CD80: variants seen among roughly 807,000 people sequenced by gnomAD.
The protein encoded by CD80 is T-lymphocyte activation antigen CD80.
In CD80, 13 loss-of-function variants were observed where a neutral mutation model predicts 27.1. The ratio of observed to expected loss-of-function variants is 0.48; its 90% CI spans 0.31 to 0.76. CD80 has a LOEUF of 0.76. CD80 is among the 30% of genes least tolerant of loss of function. CD80 has a pLI of 0.04. For synonymous variants in CD80, 125 were observed against 125.5 expected (o/e 1.00, Z 0.03); for missense variants, 277 against 347.9 (o/e 0.80, Z 1.62).
At chr3:119,544,396 G>T in intron 3 of CD80, 154 bp downstream of exon 3, 1 of 631,102 alleles carries the variant, frequency 1.6e-6, no homozygotes, top group Non-Finnish European at 2.8e-6. Context: ...TTAGAAACCA[G>T]TTAGAGTTTA....
chr3:119,542,663 C>A (rs1301077011), intron 3 of CD80, among the ~76,000 whole-genome samples: 1 of 152,174 alleles, frequency 6.6e-6, no homozygotes, highest in Non-Finnish European at 1.5e-5. Context: ...TTGCTTCTAA[C>A]CTCCAAGCTA....
intron 2 of CD80, among the ~76,000 whole-genome samples, chr3:119,552,513 CAAAAAAAAAAA>C (rs11369803): frequency 3.2e-5 from 1 of 31,288 alleles, no homozygotes; most frequent in Non-Finnish European, 6.2e-5. Context: ...GACTCTGTCT[CAAAAAAAAAAA>C]AAAAAAAAAA....
chr3:119,529,483 T>C (rs1298029390), intron 5 of CD80, among the ~76,000 whole-genome samples: 2 of 152,106 alleles, frequency 1.3e-5, no homozygotes, highest in African/African-American at 2.4e-5. Context: ...AAAAAAAAAT[T>C]AGAATATCAT....
chr3:119,547,384 T>A (rs1403121560), intron 2 of CD80, among the ~76,000 whole-genome samples: 1 of 152,276 alleles, frequency 6.6e-6, no homozygotes, highest in Non-Finnish European at 1.5e-5. Context: ...GCTTTTGATT[T>A]CGTCTTTGGA....
At chr3:119,550,682 C>G (rs1258257821) in intron 2 of CD80, among the ~76,000 whole-genome samples, 1 of 152,164 alleles carries the variant, frequency 6.6e-6, no homozygotes, top group Non-Finnish European at 1.5e-5. Context: ...CTGTCTCAAA[C>G]CTGGTTGAAC....
At chr3:119,530,083 A>T (rs1290564409) in intron 4 of CD80, 146 bp from the exon 5 acceptor site, 1 of 588,616 alleles carries the variant, frequency 1.7e-6, no homozygotes, top group East Asian at 3.0e-5. Context: ...TTCTTGCATA[A>T]TTCTTCAATC....
At chr3:119,539,617 T>A (rs11925388) in intron 3 of CD80, among the ~76,000 whole-genome samples, 13,318 of 152,174 alleles carry the variant, frequency 0.088, 761 homozygotes, top group Non-Finnish European at 0.12. Context: ...CCCATAAGAT[T>A]CTGAAGTACA....
At chr3:119,552,152 G>A (rs1394205788) in intron 2 of CD80, among the ~76,000 whole-genome samples, 1 of 152,170 alleles carries the variant, frequency 6.6e-6, no homozygotes, top group Non-Finnish European at 1.5e-5. Flanking sequence ...AGGAGAGGAA[G>A]CTATTTGCCA....
intron 6 of CD80, among the ~76,000 whole-genome samples, chr3:119,526,468 A>C (rs563045068): frequency 6.6e-6 from 1 of 152,336 alleles, no homozygotes; most frequent in Non-Finnish European, 1.5e-5. Context: ...ATTCAGTGGA[A>C]ATGAAAAAAC....
chr3:119,526,617 CTT>C (rs2082067590), intron 6 of CD80, among the ~76,000 whole-genome samples: 1 of 152,168 alleles, frequency 6.6e-6, no homozygotes, highest in African/African-American at 2.4e-5. Flanking sequence ...AAGCAAATCT[CTT>C]AACCTCTGGG....
intron 3 of CD80, chr3:119,544,344 A>G (rs1577110775): frequency 8.6e-6 from 5 of 581,986 alleles, no homozygotes; most frequent in South Asian, 8.6e-5. Flanking sequence ...TGGATTGTCA[A>G]AGAACAAGAA....
At chr3:119,553,356 T>C (rs2082244742) in intron 2 of CD80, among the ~76,000 whole-genome samples, 1 of 152,092 alleles carries the variant, frequency 6.6e-6, no homozygotes, top group South Asian at 2.1e-4. Context: ...GCCAGGCTGG[T>C]CTCAAACTCC....
chr3:119,527,764 G>C lies in CD80; in HGVS notation c.*7C>G, dbSNP rs1451263329. 6.2e-7 allele frequency: 1 copy of C among 1,612,130 alleles called. No individual in the cohort carries two copies. Among genetic ancestry groups the C allele is most frequent in the Non-Finnish European group, 8.5e-7 (1 of 1,178,264 alleles). On this transcript the variant is annotated 3_prime_UTR_variant, in exon 6 of 7. Transcript: ENST00000264246. ...ATCTTTTCAGCCCCTTGCTTCTGCG[G>C]ACACTGTTATACAGGGCGTACACTT...
At position 119,544,794 on chromosome 3, in the gene CD80, C is replaced by G. The variant is rs756028722; in HGVS notation, c.174G>C (p.Glu58Asp). 2 of 1,614,212 alleles carry G rather than the reference C, an allele frequency of 1.2e-6. No homozygotes were observed. Among genetic ancestry groups the G allele is most frequent in the East Asian group, 2.2e-5 (1 of 44,878 alleles). Residue 58 changes from glutamate to aspartate, a missense_variant, in exon 3 of 7, where the codon GAG becomes GAC. By Grantham distance (45) the Glu-to-Asp change is conservative. Coordinates refer to ENST00000264246, the MANE Select transcript of CD80 (RefSeq NM_005191.4). ...GCCAGTAGATGCGAGTTTGTGCCAG[C>G]TCTTCAACAGAAACATTGTGACCAC... ...LSCGHNVSVE[E>D]LAQTRIYWQK...
chr3:119,533,675 C>T (rs1382295437), intron 4 of CD80, among the ~76,000 whole-genome samples: 4 of 152,202 alleles, frequency 2.6e-5, no homozygotes, highest in Non-Finnish European at 2.9e-5. Context: ...ACATGACTTG[C>T]TCCTCCTTGC....
chr3:119,527,816 T>C lies in CD80; in HGVS notation c.822A>G (p.Arg274=), dbSNP rs2082076708. ...TYCFAPRCRE[R]RRNERLRRES... Reference sequence around the variant, plus strand: ...CCCTTCTCAATCTCTCATTCCTCCTTCTCTCTCTGCATCTTGGGGCAAAGC... The same window carrying C: ...CCCTTCTCAATCTCTCATTCCTCCTCCTCTCTCTGCATCTTGGGGCAAAGC... The change falls in exon 6 of 7, where the codon AGA becomes AGG. Residue 274 remains arginine (R), a synonymous_variant. Transcript: ENST00000264246. The C allele has an allele frequency of 4.3e-6, 7 of 1,613,776 alleles. No homozygotes were observed. The South Asian group carries it at 5.5e-5, about 13-fold the overall frequency.
intron 2 of CD80, among the ~76,000 whole-genome samples, chr3:119,554,083 A>G (rs989143950): frequency 6.6e-5 from 10 of 152,190 alleles, no homozygotes; most frequent in Non-Finnish European, 1.3e-4. Context: ...CCCTGCTCAT[A>G]TACTCTGTAC....
chr3:119,525,917 A>T (rs2082063738), intron 6 of CD80, among the ~76,000 whole-genome samples, 168 bp from the exon 7 acceptor site: 1 of 148,892 alleles, frequency 6.7e-6, no homozygotes, highest in South Asian at 2.1e-4. Flanking sequence ...TAAATATAAG[A>T]TCTTAATTTT....
At chr3:119,545,023 T>TC (rs1449165180) in intron 2 of CD80, among the ~76,000 whole-genome samples, 156 bp from the exon 3 acceptor site, 1 of 152,188 alleles carries the variant, frequency 6.6e-6, no homozygotes, top group African/African-American at 2.4e-5. Context: ...ATGCTTTTTT[T>TC]CTCTTCATTT....
Sources: allele counts gnomAD v4.1 joint callset (sites outside exome capture counted in the v4.1 genomes callset), GRCh38; gene constraint gnomAD v4.1.1; transcripts MANE v1.5; gene names NCBI Gene and HGNC (gene_info 2026-07-23, HGNC 2026-07-21).